Variants in PTPN11 observed in about 807,000 individuals in gnomAD.
PTPN11 encodes tyrosine-protein phosphatase non-receptor type 11.
PTPN11 carries 6 observed loss-of-function variants against 78.8 expected under a neutral mutation model. The observed-to-expected ratio is 0.08, with a 90% CI of 0.04 to 0.15. The LOEUF is 0.15. Ranked by LOEUF, PTPN11 falls within the 10% of genes least tolerant of loss-of-function variation. The pLI is 1.00. For missense variants in PTPN11, 386 were observed against 744.8 expected, an observed-to-expected ratio of 0.52 and a Z score of 5.61; for synonymous variants, 221 against 263.5, an observed-to-expected ratio of 0.84 and a Z score of 1.56.
chr12:112,490,066 G>A (rs745918904), intron 13 of PTPN11, among the ~76,000 whole-genome samples: 3 of 152,142 alleles, frequency 2.0e-5, no homozygotes, highest in Non-Finnish European at 4.4e-5. Context: ...GACATCTTCA[G>A]AAACAGTGTA....
intron 1 of PTPN11, among the ~76,000 whole-genome samples, chr12:112,421,604 C>T (rs758232538): frequency 6.6e-6 from 1 of 151,796 alleles, no homozygotes; most frequent in Non-Finnish European, 1.5e-5. Flanking sequence ...CATGAGACAC[C>T]CTGCCCAGCC....
At chr12:112,448,032 C>G (rs891949278) in intron 2 of PTPN11, among the ~76,000 whole-genome samples, 3 of 151,922 alleles carry the variant, frequency 2.0e-5, no homozygotes, top group Admixed American at 6.6e-5. Context: ...GAACTCCTGA[C>G]TTAAAGTGAT....
At position 112,482,314 on chromosome 12, in the gene PTPN11, A is replaced by G. The variant is rs573952316; in HGVS notation, c.1224+109A>G. On this transcript the variant is annotated intron_variant, in intron 10 of 15. Coordinates refer to ENST00000351677, the MANE Select transcript of PTPN11 (RefSeq NM_002834.5). The surrounding 1 kb of genome is among the most constrained non-coding windows in gnomAD (Gnocchi z 4.4). ...CATACATGCATGCATTCGCTCACTCATTGATTCAGTAGCCATTTATTAGCT... is the reference window on the plus strand; with the variant it reads ...CATACATGCATGCATTCGCTCACTCGTTGATTCAGTAGCCATTTATTAGCT... 1.3e-3 allele frequency: 1,626 copies of G among 1,290,918 alleles called. 6 individuals carry two copies. Among genetic ancestry groups the G allele is most frequent in the South Asian group, 4.0e-3 (331 of 82,634 alleles). 80.0% of individuals were successfully genotyped at this position (1,290,918 alleles called of 1,614,324 possible). A position where few individuals can be genotyped will look rare whatever the true frequency, so the allele number is the denominator to read the frequency against.
At chr12:112,420,482 A>G (rs1243359528) in intron 1 of PTPN11, among the ~76,000 whole-genome samples, 5 of 152,002 alleles carry the variant, frequency 3.3e-5, no homozygotes, top group Admixed American at 1.3e-4. Flanking sequence ...AGTAACTAGG[A>G]CTACAGGCGC....
At chr12:112,447,858 T>C (rs1377946647) in intron 2 of PTPN11, among the ~76,000 whole-genome samples, 1 of 141,312 alleles carries the variant, frequency 7.1e-6, no homozygotes, top group Non-Finnish European at 1.5e-5. Context: ...TGGAGTGCAG[T>C]GGCCACAATC....
intron 1 of PTPN11, among the ~76,000 whole-genome samples, chr12:112,441,519 T>C (rs1209583125): frequency 6.6e-6 from 1 of 152,140 alleles, no homozygotes; most frequent in Non-Finnish European, 1.5e-5. Context: ...CACCTTGGCC[T>C]CCCAAAGTGC....
chr12:112,481,939 AC>A (rs745771123), intron 9 of PTPN11, 134 bp from the exon 10 acceptor site: 50 of 936,020 alleles, frequency 5.3e-5, no homozygotes, highest in Non-Finnish European at 7.8e-5. Context: ...TTTTCTGAAA[AC>A]CTAACAGATG....
chr12:112,434,463 C>T (rs1383622341), intron 1 of PTPN11, among the ~76,000 whole-genome samples: 2 of 151,882 alleles, frequency 1.3e-5, no homozygotes, highest in Non-Finnish European at 2.9e-5. Flanking sequence ...CAAAAATTAG[C>T]TGGGCATGGT....
rs756424880 is a variant in PTPN11 at position 112,477,631 on chromosome 12, G to T, written c.854-20G>T. 1 of 1,586,878 alleles carries T rather than the reference G, an allele frequency of 6.3e-7. No homozygotes were observed. Among genetic ancestry groups the T allele is most frequent in the Non-Finnish European group, 8.6e-7 (1 of 1,156,768 alleles). ...GAAGCAGTCCAGGACTTATGTGACC[G>T]TGGTCTCTTTTTCTTCTAGTTGATC... On this transcript the variant is annotated intron_variant, in intron 7 of 15. Coordinates refer to ENST00000351677, the MANE Select transcript of PTPN11 (RefSeq NM_002834.5).
At chr12:112,425,162 TA>T (rs1490311266) in intron 1 of PTPN11, among the ~76,000 whole-genome samples, 1 of 151,944 alleles carries the variant, frequency 6.6e-6, no homozygotes, top group East Asian at 1.9e-4. Flanking sequence ...CTAACAACTT[TA>T]AAAAAATTTT....
At chr12:112,463,845 T>C (rs2038286282) in intron 6 of PTPN11, among the ~76,000 whole-genome samples, 1 of 152,140 alleles carries the variant, frequency 6.6e-6, no homozygotes, top group Non-Finnish European at 1.5e-5. Context: ...GCTTTCTAGA[T>C]CTCCTATATA....
chr12:112,479,786 C>T (rs537966698), intron 9 of PTPN11, among the ~76,000 whole-genome samples: 2 of 152,152 alleles, frequency 1.3e-5, no homozygotes, highest in Non-Finnish European at 2.9e-5. Context: ...GTATCAGTCC[C>T]TTTCAGAAGC....
At position 112,489,021 on chromosome 12, in the gene PTPN11, T is replaced by C. The variant is rs2038713779; in HGVS notation, c.1448-3T>C. 1 of 1,613,290 alleles carries C rather than the reference T, an allele frequency of 6.2e-7. No individual in the cohort carries two copies. Among genetic ancestry groups the C allele is most frequent in the Non-Finnish European group, 8.5e-7 (1 of 1,179,934 alleles). On this transcript the variant is annotated splice_polypyrimidine_tract_variant and splice_region_variant and intron_variant, in intron 12 of 15. Coordinates refer to ENST00000351677, the MANE Select transcript of PTPN11 (RefSeq NM_002834.5). Reference sequence around the variant, plus strand: ...TTTATTCTTCATGATGTTTCCTTCGTAGGTGTTGACTGCGATATTGACGTT... The same window carrying C: ...TTTATTCTTCATGATGTTTCCTTCGCAGGTGTTGACTGCGATATTGACGTT...
At chr12:112,462,432 A>G (rs2038262878) in intron 6 of PTPN11, among the ~76,000 whole-genome samples, 3 of 152,124 alleles carry the variant, frequency 2.0e-5, no homozygotes, top group Admixed American at 2.0e-4. Context: ...GCTATATGCT[A>G]ACTGGGTATA....
At chr12:112,491,680 A>G (rs931105293) in intron 13 of PTPN11, among the ~76,000 whole-genome samples, 1 of 152,164 alleles carries the variant, frequency 6.6e-6, no homozygotes, top group African/African-American at 2.4e-5. Context: ...GTCCAGGGTC[A>G]CACAGTGCAT....
In PTPN11 at chr12:112,477,906, T is replaced by C. The variant is rs369430257; in HGVS notation, c.983T>C (p.Ile328Thr). ...CNNSKPKKSY[I>T]ATQGCLQNTV... ...AATTCAAAGCCCAAAAAGAGTTACA[T>C]TGCCACACAAGGCTGCCTGCAAAAC... The change falls in exon 9 of 16, where the codon ATT becomes ACT. Residue 328 changes from isoleucine to threonine, a missense_variant. Transcript: ENST00000351677. 1 of 1,614,072 alleles carries C rather than the reference T, an allele frequency of 6.2e-7. No individual in the cohort carries two copies. The highest frequency in any genetic ancestry group is 1.3e-5 in the African/African-American group (1 of 74,946).
intron 6 of PTPN11, among the ~76,000 whole-genome samples, chr12:112,456,840 C>T (rs973968376): frequency 7.2e-5 from 11 of 152,054 alleles, no homozygotes; most frequent in African/African-American, 2.7e-4. Flanking sequence ...AAGTGATCCT[C>T]CAGCTTTGAC....
At chr12:112,420,755 G>A (rs999663841) in intron 1 of PTPN11, among the ~76,000 whole-genome samples, 3 of 152,204 alleles carry the variant, frequency 2.0e-5, no homozygotes, top group Non-Finnish European at 4.4e-5. Flanking sequence ...AGAACTCGTA[G>A]GAAGTGAGTG....
Position 112,482,152 on chromosome 12 carries a change from A to C in PTPN11, c.1171A>C (p.Ser391Arg). The change falls in exon 10 of 16, where the codon AGC (serine) becomes CGC (arginine). Residue 391 changes from serine to arginine, a missense_variant. Physicochemically the swap from Ser to Arg is moderately radical, Grantham distance 110. Transcript: ENST00000351677. This position sits in a 1 kb window ranked among gnomAD's most constrained non-coding sequence, Gnocchi z 4.4. The part of the protein sequence containing the change: ...GVMRVRNVKE[S>R]AAHDYTLREL... The stretch of plus-strand genomic sequence containing the variant: ...CATGCGTGTTAGGAACGTCAAAGAA[A>C]GCGCCGCTCATGACTATACGCTAAG... The C allele has an allele frequency of 6.2e-7, 1 of 1,613,436 alleles. No individual in the cohort carries two copies. Among genetic ancestry groups the C allele is most frequent in the African/African-American group, 1.3e-5 (1 of 75,024 alleles).
Sources: allele counts gnomAD v4.1 joint callset (sites outside exome capture counted in the v4.1 genomes callset), GRCh38; gene constraint gnomAD v4.1.1; non-coding constraint Gnocchi (gnomAD v3.1); transcripts MANE v1.5; gene names NCBI Gene and HGNC (gene_info 2026-07-23, HGNC 2026-07-21).